CACNA1C: variants seen among roughly 807,000 people sequenced by gnomAD.
CACNA1C encodes the protein voltage-dependent L-type calcium channel subunit alpha-1C.
In CACNA1C, 30 loss-of-function variants were observed where a neutral mutation model predicts 229.0. The observed-to-expected ratio is 0.13, with a 90% CI of 0.10 to 0.18. The LOEUF (loss-of-function observed/expected upper bound fraction) is 0.18. Among genes scored for constraint, CACNA1C ranks in the 10% least tolerant of loss-of-function variants. The pLI is 1.00. For synonymous variants in CACNA1C, 1,114 were observed against 1,132.5 expected, an observed-to-expected ratio of 0.98 and a Z score of 0.33; for missense variants, 1,658 against 2,845.0, an observed-to-expected ratio of 0.58 and a Z score of 9.49.
rs77325431 is a variant in CACNA1C, at chr12:2,377,616, C to A, written c.478-71360C>A. On this transcript the variant is annotated intron_variant, in intron 3 of 46. Transcript: ENST00000399655. ...CACCCCATACCTCCTTCACCACAGC[C>A]ACAGGTACTGAGCATTGAGCACACG... is the stretch of plus-strand genomic sequence containing the variant. Among the ~76,000 whole-genome samples the A allele has an allele frequency of 2.8e-3, 425 of 152,302 alleles. 2 individuals carry two copies. The highest frequency in any genetic ancestry group is 9.8e-3 in the African/African-American group (407 of 41,548).
chr12:2,252,864 C>CTT (rs77872904), intron 3 of CACNA1C, among the ~76,000 whole-genome samples: 4 of 143,126 alleles, frequency 2.8e-5, no homozygotes, highest in Non-Finnish European at 4.6e-5. Flanking sequence ...ATGGGTTTAA[C>CTT]TTTTTTTTTT....
intron 3 of CACNA1C, among the ~76,000 whole-genome samples, chr12:2,249,766 T>TTC (rs912977688): frequency 1.4e-5 from 2 of 145,298 alleles, no homozygotes; most frequent in African/African-American, 5.2e-5. Flanking sequence ...CTGCCTTGCC[T>TTC]TCTCTCTTTT....
chr12:2,292,065 C>G (rs1160209187), intron 3 of CACNA1C, among the ~76,000 whole-genome samples: 1 of 152,236 alleles, frequency 6.6e-6, no homozygotes, highest in Non-Finnish European at 1.5e-5. Flanking sequence ...GAGGACATCA[C>G]TAGGACTGGA....
At position 2,602,228 on chromosome 12, in the gene CACNA1C, C is replaced by T. The variant is rs935768590; in HGVS notation, c.2960+268C>T. 1.3e-5 allele frequency among the ~76,000 whole-genome samples: 2 copies of T among 152,160 alleles called. No homozygotes were observed. Among genetic ancestry groups the T allele is most frequent in the Non-Finnish European group, 2.9e-5 (2 of 68,006 alleles). ...AGGGCCAGGCTCAGCTATTAAGAAA[C>T]GGTTGTCTCCAGGACCTTCCTGCCT... On this transcript the variant is annotated intron_variant, in intron 22 of 46. Coordinates refer to ENST00000399655, the MANE Select transcript of CACNA1C (RefSeq NM_000719.7). The surrounding 1 kb of genome is among the most constrained non-coding windows in gnomAD (Gnocchi z 4.4).
chr12:2,356,167 C>T (rs2097356116), intron 3 of CACNA1C, among the ~76,000 whole-genome samples: 1 of 152,240 alleles, frequency 6.6e-6, no homozygotes. Context: ...GCTTCACAAT[C>T]AAGAAGTGGC....
chr12:2,357,140 A>T (rs1256068381), intron 3 of CACNA1C, among the ~76,000 whole-genome samples: 1 of 152,202 alleles, frequency 6.6e-6, no homozygotes, highest in African/African-American at 2.4e-5. Flanking sequence ...ACTGGACAAG[A>T]TTAGAAGTGA....
At chr12:2,102,420 G>A (rs772610103) in intron 1 of CACNA1C, among the ~76,000 whole-genome samples, 4 of 152,110 alleles carry the variant, frequency 2.6e-5, no homozygotes, top group Non-Finnish European at 4.4e-5. Flanking sequence ...AGCAGCTGAA[G>A]GAAAGGGGAG....
At chr12:2,005,396 A>G (rs1296921916) in intron 1 of CACNA1C, among the ~76,000 whole-genome samples, 1 of 152,184 alleles carries the variant, frequency 6.6e-6, no homozygotes, top group African/African-American at 2.4e-5. Flanking sequence ...ATTTTCATAA[A>G]ACATTTTTAC....
chr12:2,066,761 G>A (rs1415996115), intron 1 of CACNA1C, among the ~76,000 whole-genome samples: 1 of 152,106 alleles, frequency 6.6e-6, no homozygotes, highest in Non-Finnish European at 1.5e-5. Flanking sequence ...GGGAGTGGAA[G>A]GCTCAACCCC....
At position 2,639,922 on chromosome 12, in the gene CACNA1C, G is replaced by A. The variant is rs1300281497; in HGVS notation, c.3912+5542G>A. The stretch of plus-strand genomic sequence containing the variant: ...CGGGGAGCAGAGCAGGCACAGGGAG[G>A]GGAAAGAACACTGGCCCTGGAGCTT... On this transcript the variant is annotated intron_variant, in intron 30 of 46. Coordinates refer to ENST00000399655, the MANE Select transcript of CACNA1C (RefSeq NM_000719.7). This position sits in a 1 kb window ranked among gnomAD's most constrained non-coding sequence, Gnocchi z 4.2. Among the ~76,000 whole-genome samples, 1 of 152,164 alleles carries A rather than the reference G, an allele frequency of 6.6e-6. No homozygotes were observed. Among genetic ancestry groups the A allele is most frequent in the East Asian group, 1.9e-4 (1 of 5,186 alleles).
At chr12:2,400,744 G>T (rs2098665616) in intron 3 of CACNA1C, among the ~76,000 whole-genome samples, 1 of 152,052 alleles carries the variant, frequency 6.6e-6, no homozygotes, top group Non-Finnish European at 1.5e-5. Flanking sequence ...GCCCCATCTG[G>T]CCTGCTCACC....
chr12:2,330,859 A>G (rs1388638049), intron 3 of CACNA1C, among the ~76,000 whole-genome samples: 1 of 152,210 alleles, frequency 6.6e-6, no homozygotes, highest in African/African-American at 2.4e-5. Flanking sequence ...GATTAAATAG[A>G]TTAATGGAAA....
intron 3 of CACNA1C, among the ~76,000 whole-genome samples, chr12:2,395,516 G>A (rs982610983): frequency 1.3e-5 from 2 of 152,134 alleles, no homozygotes; most frequent in African/African-American, 4.8e-5. Flanking sequence ...TAAAGGGAAA[G>A]GGGCTTTTTT....
intron 3 of CACNA1C, among the ~76,000 whole-genome samples, chr12:2,260,714 G>A (rs2079812178): frequency 6.6e-6 from 1 of 152,140 alleles, no homozygotes; most frequent in Non-Finnish European, 1.5e-5. Flanking sequence ...ATTAGGCACT[G>A]TTTCTCTCTG....
chr12:2,271,805 A>G (rs1336099136), intron 3 of CACNA1C, among the ~76,000 whole-genome samples: 1 of 151,336 alleles, frequency 6.6e-6, no homozygotes, highest in Non-Finnish European at 1.5e-5. Flanking sequence ...CTAAGGCAGG[A>G]GGATTGCCTG....
Position 1,971,372 on chromosome 12 carries a change from T to C in CACNA1C, c.139+171T>C, listed in dbSNP as rs1012599191. 1.3e-5 allele frequency among the ~76,000 whole-genome samples: 2 copies of C among 152,224 alleles called. No homozygotes were observed. The highest frequency in any genetic ancestry group is 2.4e-5 in the African/African-American group (1 of 41,458). On this transcript the variant is annotated intron_variant, in intron 1 of 46. Transcript: ENST00000682462. The surrounding 1 kb of genome is among the most constrained non-coding windows in gnomAD (Gnocchi z 4.2). Reference sequence around the variant, plus strand: ...AATTTTGCCTGTAACTGCACTATCCTGGTTTATGCCGTTCTTTGGAAATTC... The same window carrying C: ...AATTTTGCCTGTAACTGCACTATCCCGGTTTATGCCGTTCTTTGGAAATTC...
chr12:2,082,547 G>A (rs2066040120), intron 1 of CACNA1C, among the ~76,000 whole-genome samples: 1 of 152,156 alleles, frequency 6.6e-6, no homozygotes, highest in Non-Finnish European at 1.5e-5. Flanking sequence ...AGCATTTGGA[G>A]CAGGGGCCCT....
intron 4 of CACNA1C, among the ~76,000 whole-genome samples, chr12:2,453,210 G>A (rs923932956): frequency 1.6e-4 from 24 of 152,102 alleles, no homozygotes; most frequent in Non-Finnish European, 2.4e-4. Context: ...GGGCCTCCAT[G>A]GAGCGTTTCT....
At chr12:2,255,883 C>CCTGACTAGTTTACAATCACACGAT in intron 3 of CACNA1C, among the ~76,000 whole-genome samples, 1 of 1,382 alleles carries the variant, frequency 7.2e-4, no homozygotes. Flanking sequence ...AATCACACGA[C>CCTGACTAGTTTACAATCACACGAT]CCTGACCTGA....
Sources: allele counts gnomAD v4.1 joint callset (sites outside exome capture counted in the v4.1 genomes callset), GRCh38; gene constraint gnomAD v4.1.1; non-coding constraint Gnocchi (gnomAD v3.1); transcripts MANE v1.5; gene names NCBI Gene and HGNC (gene_info 2026-07-23, HGNC 2026-07-21).